Variants in ABHD2 observed in about 807,000 individuals in gnomAD.
The protein encoded by ABHD2 is abhydrolase domain containing 2, acylglycerol lipase, also known as monoacylglycerol lipase ABHD2.
A neutral mutation model predicts 48.1 loss-of-function variants in ABHD2; 20 were observed. That is an observed-to-expected ratio of 0.42 (90% CI 0.29 to 0.60). The LOEUF is 0.60. ABHD2 is among the 20% of genes least tolerant of loss of function. The pLI, the probability that ABHD2 is intolerant of heterozygous loss-of-function variation, is 0.24. For synonymous variants in ABHD2, 209 were observed against 214.2 expected, an observed-to-expected ratio of 0.98 and a Z score of 0.21; for missense variants, 405 against 550.9, an observed-to-expected ratio of 0.74 and a Z score of 2.65.
chr15:89,112,478 G>A (rs556295200), intron 1 of ABHD2, among the ~76,000 whole-genome samples: 20 of 152,226 alleles, frequency 1.3e-4, no homozygotes, highest in Admixed American at 5.9e-4. Context: ...TTGCTCTTCC[G>A]GCCCCACCTC....
chr15:89,191,351 C>T (rs1197694934), intron 9 of ABHD2, among the ~76,000 whole-genome samples: 2 of 152,328 alleles, frequency 1.3e-5, no homozygotes, highest in East Asian at 1.9e-4. Flanking sequence ...GCCCCTTAGA[C>T]TGGTGTGCTC....
chr15:89,172,697 T>C (rs1244078497), intron 5 of ABHD2, among the ~76,000 whole-genome samples: 1 of 152,236 alleles, frequency 6.6e-6, no homozygotes, highest in Non-Finnish European at 1.5e-5. Flanking sequence ...TATATCACTT[T>C]ATTCACATCT....
chr15:89,127,163 A>G (rs1028377652), intron 3 of ABHD2, among the ~76,000 whole-genome samples: 10 of 150,304 alleles, frequency 6.7e-5, no homozygotes, highest in Non-Finnish European at 3.0e-5. Flanking sequence ...GTGTAGTATC[A>G]CGGTGAGCCA....
At position 89,141,501 on chromosome 15, in the gene ABHD2, C is replaced by T. The variant is rs143414510; in HGVS notation, c.195-10176C>T. ...TACAAAAATTAGCCAGGCATGGTGG[C>T]GTGCGCCTGTAACCCCAGCTACCCA... is the stretch of plus-strand genomic sequence containing the variant. On this transcript the variant is annotated intron_variant, in intron 3 of 10. Coordinates refer to ENST00000352732, the MANE Select transcript of ABHD2 (RefSeq NM_152924.5). Among the ~76,000 whole-genome samples, 294 of 152,272 alleles carry T rather than the reference C, an allele frequency of 1.9e-3. 3 individuals are homozygous for T. Among genetic ancestry groups the T allele is most frequent in the East Asian group, 0.016 (82 of 5,178 alleles).
chr15:89,170,037 A>G (rs997078575), intron 5 of ABHD2, among the ~76,000 whole-genome samples: 11 of 114,824 alleles, frequency 9.6e-5, no homozygotes, highest in African/African-American at 2.6e-4. Flanking sequence ...CCTTGTTTTT[A>G]TCCCTTAAGA....
rs143862784 is a variant in ABHD2, at chr15:89,122,083, G to A, written c.194+5562G>A. Reference sequence around the variant, plus strand: ...GGCCTTAAGCCATCCTTCCACCTTGGCCTCCCAAAGCGCTGGGATTTCAGG... The same window carrying A: ...GGCCTTAAGCCATCCTTCCACCTTGACCTCCCAAAGCGCTGGGATTTCAGG... On this transcript the variant is annotated intron_variant, in intron 3 of 10. Coordinates refer to ENST00000352732, the MANE Select transcript of ABHD2 (RefSeq NM_152924.5). 3.6e-3 allele frequency among the ~76,000 whole-genome samples: 554 copies of A among 152,180 alleles called. 6 individuals carry two copies. The highest frequency in any genetic ancestry group is 0.013 in the African/African-American group (530 of 41,512).
At chr15:89,129,501 C>T (rs2050186165) in intron 3 of ABHD2, among the ~76,000 whole-genome samples, 1 of 152,086 alleles carries the variant, frequency 6.6e-6, no homozygotes, top group Non-Finnish European at 1.5e-5. Context: ...AGTCAGGAAA[C>T]AAACACCAGA....
At chr15:89,058,324 C>T in the ABHD2 span, among the ~76,000 whole-genome samples, 1 of 152,158 alleles carries the variant, frequency 6.6e-6, no homozygotes, top group African/African-American at 2.4e-5. Context: ...CCCTTACAAC[C>T]CTGAAAACAG....
the ABHD2 span, among the ~76,000 whole-genome samples, chr15:89,068,081 C>T: frequency 6.6e-6 from 1 of 152,152 alleles, no homozygotes; most frequent in East Asian, 1.9e-4. Context: ...TTCTCCCCTA[C>T]AGGACTTCTA....
chr15:89,182,090 A>G lies in ABHD2; in HGVS notation c.723-3334A>G, dbSNP rs1185637243. ...ATTTATGTTGGTAATAGGTAGATCA[A>G]TGGATGGACAAAGTTCTTTAAAAAT... On this transcript the variant is annotated intron_variant, in intron 6 of 10. Transcript: ENST00000352732. The surrounding 1 kb of genome is among the most constrained non-coding windows in gnomAD (Gnocchi z 4.8). Among the ~76,000 whole-genome samples the G allele has an allele frequency of 1.3e-5, 2 of 152,232 alleles. No homozygotes were observed. Among genetic ancestry groups the G allele is most frequent in the Admixed American group, 1.3e-4 (2 of 15,288 alleles).
chr15:89,105,738 G>C (rs1313533377), intron 1 of ABHD2, among the ~76,000 whole-genome samples: 1 of 152,232 alleles, frequency 6.6e-6, no homozygotes, highest in East Asian at 1.9e-4. Context: ...TCCCTGGCTT[G>C]AGTTAGTTAA....
intron 3 of ABHD2, among the ~76,000 whole-genome samples, chr15:89,144,650 G>A (rs1302504043): frequency 6.6e-6 from 1 of 152,160 alleles, no homozygotes; most frequent in African/African-American, 2.4e-5. Flanking sequence ...AACCTACAGA[G>A]ACAGAGAGCA....
In ABHD2 at chr15:89,091,009, G is replaced by A. The variant is rs933932514; in HGVS notation, c.-107+2446G>A. 1.3e-5 allele frequency among the ~76,000 whole-genome samples: 2 copies of A among 152,210 alleles called. No individual in the cohort carries two copies. The highest frequency in any genetic ancestry group is 1.3e-4 in the Admixed American group (2 of 15,282). On this transcript the variant is annotated intron_variant, in intron 1 of 10. Coordinates refer to ENST00000352732, the MANE Select transcript of ABHD2 (RefSeq NM_152924.5). This position sits in a 1 kb window ranked among gnomAD's most constrained non-coding sequence, Gnocchi z 5.5. ...GTGCTGGCAATCTAGCTGGTTCACTGGTTTATCTGTGTTTTTCCTGTTCTT... is the reference window on the plus strand; with the variant it reads ...GTGCTGGCAATCTAGCTGGTTCACTAGTTTATCTGTGTTTTTCCTGTTCTT...
At chr15:89,068,096 T>A in the ABHD2 span, among the ~76,000 whole-genome samples, 1 of 152,090 alleles carries the variant, frequency 6.6e-6, no homozygotes, top group South Asian at 2.1e-4. Flanking sequence ...CTTCTACCCC[T>A]CAGGGTCTCC....
At chr15:89,074,570 G>T in the ABHD2 span, among the ~76,000 whole-genome samples, 6 of 152,148 alleles carry the variant, frequency 3.9e-5, no homozygotes, top group Non-Finnish European at 7.4e-5. Flanking sequence ...TGAAAATGAA[G>T]ACTGAGGATT....
At chr15:89,074,000 G>A in the ABHD2 span, among the ~76,000 whole-genome samples, 4 of 152,260 alleles carry the variant, frequency 2.6e-5, no homozygotes, top group East Asian at 7.7e-4. Flanking sequence ...CTTTGGGATT[G>A]GCGGACCTGA....
intron 3 of ABHD2, among the ~76,000 whole-genome samples, chr15:89,126,208 C>T (rs28370547): frequency 0.075 from 11,380 of 152,172 alleles, 963 homozygotes; most frequent in African/African-American, 0.21. Flanking sequence ...TACATGTGGA[C>T]GGTAAGTGGG....
intron 5 of ABHD2, among the ~76,000 whole-genome samples, chr15:89,161,324 A>C (rs1377871802): frequency 6.6e-6 from 1 of 152,020 alleles, no homozygotes; most frequent in African/African-American, 2.4e-5. Context: ...CAATTGTTCA[A>C]CTCATGGCCC....
At position 89,100,308 on chromosome 15, in the gene ABHD2, C is replaced by T. The variant is rs1477483829; in HGVS notation, c.-107+11745C>T. Among the ~76,000 whole-genome samples, 1 of 148,314 alleles carries T rather than the reference C, an allele frequency of 6.7e-6. No homozygotes were observed. Among genetic ancestry groups the T allele is most frequent in the African/African-American group, 2.5e-5 (1 of 39,578 alleles). On this transcript the variant is annotated intron_variant, in intron 1 of 10. Coordinates refer to ENST00000352732, the MANE Select transcript of ABHD2 (RefSeq NM_152924.5). This position sits in a 1 kb window ranked among gnomAD's most constrained non-coding sequence, Gnocchi z 4.4. ...AATTTTTTTTTTTTTTTTTAAGAGACAGGGTCTTACTCTGTCACCCAGGCT... is the reference window on the plus strand; with the variant it reads ...AATTTTTTTTTTTTTTTTTAAGAGATAGGGTCTTACTCTGTCACCCAGGCT...
Sources: gnomAD v4.1 joint callset for allele counts (sites outside exome capture counted in the v4.1 genomes callset) on GRCh38, gnomAD v4.1.1 for gene constraint, Gnocchi (gnomAD v3.1) non-coding constraint, MANE v1.5 for transcripts, NCBI Gene and HGNC (gene_info 2026-07-23, HGNC 2026-07-21) for gene names.